Variants in SPATA17 observed in about 807,000 individuals in gnomAD.
The protein encoded by SPATA17 is spermatogenesis associated 17, also known as spermatogenesis-associated protein 17.
A neutral mutation model predicts 62.2 loss-of-function variants in SPATA17; 53 were observed. The observed-to-expected ratio is 0.85, with a 90% CI of 0.68 to 1.07. SPATA17 has a LOEUF of 1.07. SPATA17 is among the 50% of genes least tolerant of loss of function. SPATA17 has a pLI of 0.00. For missense variants in SPATA17, 466 were observed against 425.5 expected (o/e 1.10, Z -0.84); for synonymous variants, 146 against 146.8 (o/e 0.99, Z 0.04).
chr1:217,697,982 T>C (rs1030951709), intron 5 of SPATA17, among the ~76,000 whole-genome samples: 4 of 152,172 alleles, frequency 2.6e-5, no homozygotes, highest in Non-Finnish European at 4.4e-5. Context: ...CATTTTTTTT[T>C]CTTACTTTCA....
At chr1:217,681,100 G>C (rs1483880983) in intron 4 of SPATA17, among the ~76,000 whole-genome samples, 1 of 151,184 alleles carries the variant, frequency 6.6e-6, no homozygotes, top group Non-Finnish European at 1.5e-5. Context: ...GGTGGCATGT[G>C]TCTGTTATCC....
rs1329444124 is a variant in SPATA17, at chr1:217,801,579, G to T, written c.873-139G>T. 6.8e-6 allele frequency: 4 copies of T among 590,732 alleles called. No homozygotes were observed. The African/African-American group carries it at 7.7e-5, about 11-fold the overall frequency. 36.6% of individuals were successfully genotyped at this position (590,732 alleles called of 1,614,324 possible). The stretch of plus-strand genomic sequence containing the variant: ...TTAACACAGATAATCAGTGGCAGAG[G>T]TTGAAATGGAATCTAGGTATTCTGA... On this transcript the variant is annotated intron_variant, in intron 8 of 10. Transcript: ENST00000366933.
chr1:217,778,756 A>G (rs1673663507), intron 7 of SPATA17, among the ~76,000 whole-genome samples: 1 of 152,184 alleles, frequency 6.6e-6, no homozygotes, highest in African/African-American at 2.4e-5. Flanking sequence ...TAAACATGTA[A>G]TATTATGGTA....
Position 217,650,984 on chromosome 1 carries a change from AT to A in SPATA17, c.159-112del. On this transcript the variant is annotated intron_variant, in intron 2 of 10. Coordinates refer to ENST00000366933, the MANE Select transcript of SPATA17 (RefSeq NM_138796.4). ...AACTTTCTACTGTTTAAAAGTGCAC[AT>A]AAACTTGGCTTTGAATTTGAATTCT... The A allele has an allele frequency of 9.2e-6, 7 of 760,852 alleles. No homozygotes were observed. The South Asian group carries it at 1.2e-4, about 13-fold the overall frequency. The allele number at this position is 760,852 out of a possible 1,614,324, so 47.1% of individuals were successfully genotyped here.
intron 4 of SPATA17, among the ~76,000 whole-genome samples, chr1:217,679,592 C>T (rs1671031180): frequency 6.6e-6 from 1 of 152,116 alleles, no homozygotes; most frequent in South Asian, 2.1e-4. Flanking sequence ...AATTTGTTAC[C>T]TTAACCATCG....
At chr1:217,663,177 G>A (rs1277590706) in intron 3 of SPATA17, among the ~76,000 whole-genome samples, 1 of 152,082 alleles carries the variant, frequency 6.6e-6, no homozygotes, top group African/African-American at 2.4e-5. Flanking sequence ...AGGTGCAGTG[G>A]CTGATGCCTG....
At chr1:217,649,549 A>T (rs1670260670) in intron 2 of SPATA17, among the ~76,000 whole-genome samples, 2 of 152,182 alleles carry the variant, frequency 1.3e-5, no homozygotes, top group Non-Finnish European at 2.9e-5. Context: ...ATTCCAAAGG[A>T]TCTACAAATG....
intron 1 of SPATA17, among the ~76,000 whole-genome samples, chr1:217,641,320 C>G (rs934995155): frequency 6.6e-6 from 1 of 151,922 alleles, no homozygotes; most frequent in Non-Finnish European, 1.5e-5. Context: ...TTCAAACTCT[C>G]AATAGTGTAA....
chr1:217,779,011 G>T (rs1673668075), intron 7 of SPATA17, among the ~76,000 whole-genome samples: 1 of 151,748 alleles, frequency 6.6e-6, no homozygotes, highest in Non-Finnish European at 1.5e-5. Context: ...TACATATATA[G>T]AAATAATGTA....
intron 9 of SPATA17, among the ~76,000 whole-genome samples, chr1:217,809,810 A>G (rs1674540187): frequency 6.6e-6 from 1 of 152,236 alleles, no homozygotes; most frequent in African/African-American, 2.4e-5. Context: ...ATTTCATAAA[A>G]TTCAGCAATC....
intron 3 of SPATA17, among the ~76,000 whole-genome samples, chr1:217,653,720 A>G (rs1362093928): frequency 1.3e-5 from 2 of 152,256 alleles, no homozygotes; most frequent in Non-Finnish European, 1.5e-5. Flanking sequence ...ATAATGTCAT[A>G]TTCTTAAACA....
chr1:217,658,767 TAATAATAATA>T (rs924080072), intron 3 of SPATA17, among the ~76,000 whole-genome samples: 2 of 151,924 alleles, frequency 1.3e-5, no homozygotes, highest in Non-Finnish European at 2.9e-5. Flanking sequence ...CAAAAAATCA[TAATAATAATA>T]AATAATAATA....
At chr1:217,732,995 A>C (rs1188364196) in intron 5 of SPATA17, among the ~76,000 whole-genome samples, 1 of 152,130 alleles carries the variant, frequency 6.6e-6, no homozygotes, top group Non-Finnish European at 1.5e-5. Flanking sequence ...AACCAAGTTG[A>C]TTCAAAAATG....
chr1:217,637,406 C>T (rs1037269209), intron 1 of SPATA17, among the ~76,000 whole-genome samples: 2 of 152,072 alleles, frequency 1.3e-5, no homozygotes, highest in Non-Finnish European at 2.9e-5. Context: ...TCATCAAATA[C>T]ATAAGCCCTA....
chr1:217,855,304 G>C (rs747711754), intron 9 of SPATA17, among the ~76,000 whole-genome samples: 1 of 152,096 alleles, frequency 6.6e-6, no homozygotes, highest in Non-Finnish European at 1.5e-5. Flanking sequence ...TGAAAATAAT[G>C]TTGCTGGAAT....
At chr1:217,795,386 T>C (rs865889238) in intron 8 of SPATA17, among the ~76,000 whole-genome samples, 1,569 of 147,334 alleles carry the variant, frequency 0.011, 11 homozygotes, top group Non-Finnish European at 0.017. Context: ...TTTTTTTTTT[T>C]CGAGACAGAG....
At chr1:217,682,278 C>T (rs1053634535) in intron 4 of SPATA17, among the ~76,000 whole-genome samples, 36 of 151,314 alleles carry the variant, frequency 2.4e-4, no homozygotes, top group African/African-American at 8.5e-4. Flanking sequence ...AGGACAGTGA[C>T]TGATTCTCAT....
chr1:217,869,934 C>T lies in SPATA17; in HGVS notation c.*2915C>T, dbSNP rs1676097390. ...TAAAGTAAAAACATCATAAGTCAAG[C>T]CACCATAAATAGCGGACCATCTGTA... On this transcript the variant is annotated 3_prime_UTR_variant, in exon 11 of 11. Coordinates refer to ENST00000366933, the MANE Select transcript of SPATA17 (RefSeq NM_138796.4). 6.6e-6 allele frequency: 1 copy of T among 152,046 alleles called. No individual in the cohort carries two copies. The highest frequency in any genetic ancestry group is 2.1e-4 in the South Asian group (1 of 4,816). The allele number at this position is 152,046 out of a possible 1,614,324, so 9.4% of individuals were successfully genotyped here.
intron 5 of SPATA17, among the ~76,000 whole-genome samples, chr1:217,715,536 C>T (rs903647519): frequency 6.6e-6 from 1 of 152,006 alleles, no homozygotes; most frequent in African/African-American, 2.4e-5. Context: ...GATGAAATAT[C>T]ACATTTATGA....
Sources: gnomAD v4.1 joint callset for allele counts (sites outside exome capture counted in the v4.1 genomes callset) on GRCh38, gnomAD v4.1.1 for gene constraint, MANE v1.5 for transcripts, NCBI Gene and HGNC (gene_info 2026-07-23, HGNC 2026-07-21) for gene names.